IL1RAPL2: variants seen among roughly 807,000 people sequenced by gnomAD.
The protein encoded by IL1RAPL2 is interleukin 1 receptor accessory protein like 2.
Under a neutral mutation model 44.1 loss-of-function variants are expected in IL1RAPL2, and 3 were observed. That is an observed-to-expected ratio of 0.07 (90% confidence interval 0.03 to 0.18). IL1RAPL2 has a LOEUF of 0.18. Among genes scored for constraint, IL1RAPL2 ranks in the 10% least tolerant of loss-of-function variants. The pLI, the probability that IL1RAPL2 is intolerant of heterozygous loss-of-function variation, is 1.00. For synonymous variants in IL1RAPL2, 181 were observed against 178.8 expected, an observed-to-expected ratio of 1.01 and a Z score of -0.10; for missense variants, 391 against 496.4, an observed-to-expected ratio of 0.79 and a Z score of 2.02.
intron 2 of IL1RAPL2, among the ~76,000 whole-genome samples, chrX:105,014,965 C>G (rs113037446): frequency 2.7e-5 from 3 of 112,028 alleles, no homozygotes; most frequent in Admixed American, 1.9e-4. Context: ...TCCACATCCT[C>G]TCTAGCATCT....
intron 2 of IL1RAPL2, among the ~76,000 whole-genome samples, chrX:104,670,126 T>C (rs1462487095): frequency 1.8e-5 from 2 of 111,454 alleles, no homozygotes; most frequent in Non-Finnish European, 3.8e-5. Flanking sequence ...ATAGGCCATC[T>C]GCAAGCTGAG....
Position 105,353,352 on chromosome X carries a change from A to G in IL1RAPL2, c.697+85811A>G, listed in dbSNP as rs564659914. Among the ~76,000 whole-genome samples, 428 of 111,667 alleles carry G rather than the reference A, an allele frequency of 3.8e-3. 2 individuals carry two copies. The highest frequency in any genetic ancestry group is 6.7e-3 in the Non-Finnish European group (354 of 53,167). On this transcript the variant is annotated intron_variant, in intron 5 of 10. Transcript: ENST00000372582. ...ACTGTAGGCTTGTAGTATAGTTTGA[A>G]GTCAGGTAGTGTGATGCCTCCAGCT...
chrX:105,668,106 G>A (rs2037786782), intron 6 of IL1RAPL2, among the ~76,000 whole-genome samples: 1 of 106,240 alleles, frequency 9.4e-6, no homozygotes, highest in Non-Finnish European at 1.9e-5. Flanking sequence ...GAACGAGGGG[G>A]TATAAGTCCT....
At chrX:104,583,401 A>C (rs1191940079) in intron 1 of IL1RAPL2, among the ~76,000 whole-genome samples, 1 of 111,374 alleles carries the variant, frequency 9.0e-6, no homozygotes, top group African/African-American at 3.3e-5. Context: ...TTTACCCAAC[A>C]TGATGCCTCA....
chrX:105,113,868 A>G (rs1602960506), intron 2 of IL1RAPL2, among the ~76,000 whole-genome samples: 1 of 112,091 alleles, frequency 8.9e-6, no homozygotes, highest in East Asian at 2.8e-4. Flanking sequence ...TGTGGGGCCC[A>G]TGAAAGCTAT....
At chrX:105,526,638 G>C (rs1398743417) in intron 6 of IL1RAPL2, among the ~76,000 whole-genome samples, 1 of 111,464 alleles carries the variant, frequency 9.0e-6, no homozygotes, top group Non-Finnish European at 1.9e-5. Flanking sequence ...TTGCTATTAT[G>C]GGCTTCATTA....
Position 105,502,727 on chromosome X carries a change from T to G in IL1RAPL2, c.772+18340T>G, listed in dbSNP as rs187646168. On this transcript the variant is annotated intron_variant, in intron 6 of 10. Transcript: ENST00000372582. ...TCAGTGAAAAATACATTCTTTTTTT[T>G]TTTGTTTGTTTGCCTCTGAGAAAAT... Among the ~76,000 whole-genome samples, 173 of 110,312 alleles carry G rather than the reference T, an allele frequency of 1.6e-3. 1 individual carries two copies. Among genetic ancestry groups the G allele is most frequent in the South Asian group, 9.3e-3 (24 of 2,581 alleles).
chrX:104,645,798 C>A (rs1009228144), intron 1 of IL1RAPL2, among the ~76,000 whole-genome samples: 2 of 112,433 alleles, frequency 1.8e-5, no homozygotes, highest in African/African-American at 3.2e-5. Context: ...ATCTTAGGAG[C>A]AAATCAGACT....
chrX:105,757,195 T>C (rs1322998546), intron 10 of IL1RAPL2, among the ~76,000 whole-genome samples: 7 of 111,990 alleles, frequency 6.3e-5, no homozygotes, highest in Non-Finnish European at 1.3e-4. Flanking sequence ...ATACATTGTA[T>C]GTCCCTGTAA....
intron 5 of IL1RAPL2, among the ~76,000 whole-genome samples, chrX:105,430,944 A>G (rs1276370856): frequency 8.9e-6 from 1 of 112,099 alleles, no homozygotes; most frequent in Non-Finnish European, 1.9e-5. Context: ...CTTACTAAGC[A>G]CAATGTAGTT....
chrX:105,658,242 G>C (rs1002013804), intron 6 of IL1RAPL2, among the ~76,000 whole-genome samples: 3 of 111,199 alleles, frequency 2.7e-5, no homozygotes, highest in Admixed American at 9.5e-5. Context: ...TTGTTTAGGG[G>C]AAAGTAAGGG....
intron 7 of IL1RAPL2, among the ~76,000 whole-genome samples, chrX:105,730,235 A>G (rs1280754781): frequency 9.0e-6 from 1 of 111,244 alleles, no homozygotes; most frequent in African/African-American, 3.3e-5. Context: ...CAGATAAAAC[A>G]GACTTTAAGT....
intron 2 of IL1RAPL2, among the ~76,000 whole-genome samples, chrX:104,918,621 C>G (rs1206427339): frequency 5.4e-5 from 6 of 111,955 alleles, no homozygotes; most frequent in Non-Finnish European, 1.1e-4. Flanking sequence ...TTAGTTATCA[C>G]TATTCAAAAT....
intron 2 of IL1RAPL2, among the ~76,000 whole-genome samples, chrX:105,127,813 A>G (rs1455523308): frequency 9.0e-6 from 1 of 111,255 alleles, no homozygotes; most frequent in Non-Finnish European, 1.9e-5. Flanking sequence ...CAAACAAACT[A>G]AAATGCTTCA....
In IL1RAPL2 at chrX:104,899,787, A is replaced by G. The variant is rs146847395; in HGVS notation, c.82+240792A>G. Among the ~76,000 whole-genome samples, 699 of 111,729 alleles carry G rather than the reference A, an allele frequency of 6.3e-3. 3 individuals carry two copies. Among genetic ancestry groups the G allele is most frequent in the African/African-American group, 0.022 (667 of 30,756 alleles). ...TCTTCTCATCTCTCCCCCTGACAAGATACTCCAACTTATGTTTTACTGTGT... is the reference window on the plus strand; with the variant it reads ...TCTTCTCATCTCTCCCCCTGACAAGGTACTCCAACTTATGTTTTACTGTGT... On this transcript the variant is annotated intron_variant, in intron 2 of 10. Coordinates refer to ENST00000372582, the MANE Select transcript of IL1RAPL2 (RefSeq NM_017416.2).
intron 3 of IL1RAPL2, among the ~76,000 whole-genome samples, chrX:105,200,975 C>T (rs1386820269): frequency 9.0e-6 from 1 of 111,031 alleles, no homozygotes; most frequent in Non-Finnish European, 1.9e-5. Context: ...AAAAACCTAA[C>T]ATTTAGGGAT....
At chrX:104,592,828 T>C (rs1310581856) in intron 1 of IL1RAPL2, among the ~76,000 whole-genome samples, 5 of 112,165 alleles carry the variant, frequency 4.5e-5, no homozygotes, top group Admixed American at 1.9e-4. Flanking sequence ...CTTCATATTT[T>C]ACTAGTGAGA....
intron 2 of IL1RAPL2, among the ~76,000 whole-genome samples, chrX:104,678,467 C>T (rs1436782074): frequency 1.8e-5 from 2 of 111,766 alleles, no homozygotes; most frequent in African/African-American, 3.3e-5. Flanking sequence ...CTATTGGCTA[C>T]GTCTAAGTTA....
intron 2 of IL1RAPL2, among the ~76,000 whole-genome samples, chrX:104,677,959 G>C (rs937963479): frequency 8.9e-5 from 10 of 112,223 alleles, no homozygotes; most frequent in Admixed American, 7.5e-4. Context: ...TTCGGCTCGC[G>C]CATGGTGCGC....
Sources: gnomAD v4.1 joint callset for allele counts (sites outside exome capture counted in the v4.1 genomes callset) on GRCh38, gnomAD v4.1.1 for gene constraint, MANE v1.5 for transcripts, NCBI Gene and HGNC (gene_info 2026-07-23, HGNC 2026-07-21) for gene names.